The following ARHGAP33 variants were observed in gnomAD, a reference collection of about 807,000 sequenced individuals.
ARHGAP33 encodes the protein Rho GTPase activating protein 33.
ARHGAP33 carries 57 observed loss-of-function variants against 126.2 expected under a neutral mutation model. The observed-to-expected ratio is 0.45, with a 90% CI of 0.36 to 0.56. The LOEUF (loss-of-function observed/expected upper bound fraction) is 0.56. Among genes scored for constraint, ARHGAP33 ranks in the 20% least tolerant of loss-of-function variants. The pLI is 0.00. For synonymous variants in ARHGAP33, 711 were observed against 755.0 expected, an observed-to-expected ratio of 0.94 and a Z score of 0.95; for missense variants, 1,500 against 1,748.3, an observed-to-expected ratio of 0.86 and a Z score of 2.53.
At chr19:35,778,892 A>G in intron 5 of ARHGAP33, 140 bp from the exon 6 acceptor site, 1 of 784,864 alleles carries the variant, frequency 1.3e-6, no homozygotes, top group South Asian at 1.7e-5. Context: ...TCATATGCCC[A>G]TATCTCAGTA....
intron 16 of ARHGAP33, 106 bp from the exon 17 acceptor site, chr19:35,784,847 C>A (rs1394512385): frequency 1.4e-6 from 2 of 1,402,062 alleles, no homozygotes; most frequent in Middle Eastern, 2.6e-4. Context: ...CTTGCCAGCC[C>A]GGGTGGGCAT....
chr19:35,780,184 C>T (rs1163533132), intron 6 of ARHGAP33, 27 bp from the exon 7 acceptor site: 1 of 1,611,858 alleles, frequency 6.2e-7, no homozygotes, highest in Non-Finnish European at 8.5e-7. Context: ...TCTGACCTGT[C>T]CTTGCCACAT....
At position 35,781,198 on chromosome 19, in the gene ARHGAP33, T is replaced by C; in HGVS notation, c.1031T>C (p.Val344Ala). ...CCSEFIEAHG[V>A]VDGIYRLSGV... ...TCCGAGTTCATTGAGGCCCACGGGG[T>C]GGTGGATGGGATCTACCGGCTCTCA... The change falls in exon 12 of 21, where the codon GTG (valine) becomes GCG (alanine). Residue 344 changes from valine to alanine, a missense_variant. Physicochemically the swap from Val to Ala is moderately conservative, Grantham distance 64 (BLOSUM62 0). Around this residue, in one of 6 missense-constraint regions of ARHGAP33, gnomAD observed 281 missense variants for 413.7 expected, o/e 0.68. Coordinates refer to ENST00000007510, the MANE Select transcript of ARHGAP33 (RefSeq NM_001366178.1). 1 of 1,607,324 alleles carries C rather than the reference T, an allele frequency of 6.2e-7. No homozygotes were observed. Among genetic ancestry groups the C allele is most frequent in the Non-Finnish European group, 8.5e-7 (1 of 1,178,054 alleles).
At position 35,788,756 on chromosome 19, in the gene ARHGAP33, C is replaced by T. The variant is rs1972255238; in HGVS notation, c.*327C>T. ...CACGGGGATGGGGGGACAACTCCTA[C>T]CCTTCTTTCCCCACATGCCCCACTA... On this transcript the variant is annotated 3_prime_UTR_variant, in exon 21 of 21. Coordinates refer to ENST00000007510, the MANE Select transcript of ARHGAP33 (RefSeq NM_001366178.1). The T allele has an allele frequency of 3.6e-6, 1 of 280,794 alleles. No individual in the cohort carries two copies. Among genetic ancestry groups the T allele is most frequent in the African/African-American group, 2.2e-5 (1 of 45,748 alleles). 17.4% of individuals were successfully genotyped at this position (280,794 alleles called of 1,614,324 possible). A position where few individuals can be genotyped will look rare whatever the true frequency, so the allele number is the denominator to read the frequency against.
chr19:35,777,454 C>A, intron 1 of ARHGAP33, 191 bp from the exon 2 acceptor site: 2 of 613,448 alleles, frequency 3.3e-6, no homozygotes, highest in South Asian at 3.8e-5. Context: ...CAGTCCCCCA[C>A]CCCAGACCAC....
rs768055326 is a variant in ARHGAP33, at chr19:35,788,174, C to T, written c.3609C>T (p.Val1203=). Residue 1203 remains valine (V), a synonymous_variant, in exon 21 of 21, where the codon GTC becomes GTT. Transcript: ENST00000007510. ...PRSRSDPGPP[V]PRLPQKQRAP... ...GCCGTTCAGATCCCGGTCCCCCAGT[C>T]CCCCGCCTTCCCCAGAAACAACGGG... 5 of 1,606,690 alleles carry T rather than the reference C, an allele frequency of 3.1e-6. No individual in the cohort carries two copies. Among genetic ancestry groups the T allele is most frequent in the Non-Finnish European group, 4.2e-6 (5 of 1,176,716 alleles).
At chr19:35,776,166 T>C (rs182919090) in intron 1 of ARHGAP33, among the ~76,000 whole-genome samples, 5 of 138,106 alleles carry the variant, frequency 3.6e-5, no homozygotes, top group Non-Finnish European at 6.3e-5. Flanking sequence ...CCTATCCCAG[T>C]TCCTCTCAAT....
intron 15 of ARHGAP33, among the ~76,000 whole-genome samples, chr19:35,783,661 ACGGGGACCAGACAGAG>A (rs1971926663): frequency 1.3e-5 from 2 of 151,880 alleles, no homozygotes; most frequent in Non-Finnish European, 2.9e-5. Context: ...CAGAGAGGTG[ACGGGGACCAGACAGAG>A]GGGTGACTCA....
Position 35,788,264 on chromosome 19 carries a change from G to A in ARHGAP33, c.3699G>A (p.Leu1233=). Reference sequence around the variant, plus strand: ...CCTGGGGCCCTCCTGAGCCTCTCCTGCTCTACAGGGCAGCCCCGCCAGCCT... The same window carrying A: ...CCTGGGGCCCTCCTGAGCCTCTCCTACTCTACAGGGCAGCCCCGCCAGCCT... ...PGPWGPPEPL[L]LYRAAPPAYG... is the part of the protein sequence containing the mutation. The change falls in exon 21 of 21, where the codon CTG becomes CTA. Residue 1233 remains leucine (L), a synonymous_variant. Transcript: ENST00000007510. The A allele has an allele frequency of 6.2e-7, 1 of 1,608,884 alleles. No individual in the cohort carries two copies. Among genetic ancestry groups the A allele is most frequent in the Non-Finnish European group, 8.5e-7 (1 of 1,178,628 alleles).
In ARHGAP33 at chr19:35,778,602, G is replaced by GT. The variant is rs773095605; in HGVS notation, c.408+2dup. On this transcript the variant is annotated splice_donor_variant, in intron 5 of 20. Transcript: ENST00000007510. LOFTEE classifies it high-confidence loss of function. ...CCCCGAGGGTGCCAGGGCTGCCCAG[G>GT]TAACCTGCTTGTTGTCTCAGCCCCT... 7.4e-6 allele frequency: 12 copies of GT among 1,612,526 alleles called. No individual in the cohort carries two copies. Among genetic ancestry groups the GT allele is most frequent in the Non-Finnish European group, 9.3e-6 (11 of 1,179,346 alleles).
chr19:35,785,379 A>C, intron 18 of ARHGAP33, 30 bp from the exon 19 acceptor site: 3 of 1,614,070 alleles, frequency 1.9e-6, no homozygotes, highest in Non-Finnish European at 2.5e-6. Flanking sequence ...TGGTCGCTGG[A>C]GTGCCCTCCT....
At position 35,787,660 on chromosome 19, in the gene ARHGAP33, T is replaced by A; in HGVS notation, c.3095T>A (p.Phe1032Tyr). The A allele has an allele frequency of 6.3e-7, 1 of 1,592,896 alleles. No individual in the cohort carries two copies. The highest frequency in any genetic ancestry group is 8.5e-7 in the Non-Finnish European group (1 of 1,174,132). ...CCCTCACAGGTTCCTACCCCCGGCT[T>A]CTTCTCCCCAGCCCCCAGGGAGTGC... is the stretch of plus-strand genomic sequence containing the variant. Reference protein sequence around the residue: ...SVPSQVPTPGFFSPAPRECLP... With the variant: ...SVPSQVPTPGYFSPAPRECLP... The change falls in exon 21 of 21, where the codon TTC becomes TAC. Residue 1032 changes from phenylalanine to tyrosine, a missense_variant. By Grantham distance (22) the Phe-to-Tyr change is conservative (BLOSUM62 3). Coordinates refer to ENST00000007510, the MANE Select transcript of ARHGAP33 (RefSeq NM_001366178.1).
At position 35,788,292 on chromosome 19, in the gene ARHGAP33, G is replaced by A. The variant is rs773641261; in HGVS notation, c.3727G>A (p.Gly1243Arg). Residue 1243 changes from glycine (G) to arginine (R), a missense_variant, in exon 21 of 21, where the codon GGA becomes AGA. This residue lies in a region of ARHGAP33 where 642 missense variants were observed against 634.0 expected (regional missense o/e 1.01). Coordinates refer to ENST00000007510, the MANE Select transcript of ARHGAP33 (RefSeq NM_001366178.1). ...CTACAGGGCAGCCCCGCCAGCCTAC[G>A]GAAGGGGGGGCGAGCTCCACCGAGG... ...LLYRAAPPAY[G>R]RGGELHRGSL... 31 of 1,608,722 alleles carry A rather than the reference G, an allele frequency of 1.9e-5. No homozygotes were observed. The highest frequency in any genetic ancestry group is 9.9e-5 in the South Asian group (9 of 90,780).
chr19:35,788,037 C>T lies in ARHGAP33; in HGVS notation c.3472C>T (p.Pro1158Ser), dbSNP rs756342169. 6.2e-7 allele frequency: 1 copy of T among 1,610,472 alleles called. No homozygotes were observed. Among genetic ancestry groups the T allele is most frequent in the Non-Finnish European group, 8.5e-7 (1 of 1,178,788 alleles). The change falls in exon 21 of 21, where the codon CCT (proline) becomes TCT (serine). Residue 1158 changes from proline to serine, a missense_variant. Physicochemically the swap from Pro to Ser is moderately conservative, Grantham distance 74 (BLOSUM62 -1). Coordinates refer to ENST00000007510, the MANE Select transcript of ARHGAP33 (RefSeq NM_001366178.1). ...DHLGYSAPQH[P>S]ARRPTPPEPL... ...CCTTGGCTACTCAGCCCCCCAGCAC[C>T]CTGCTCGGCGCCCTACACCGCCTGA...
rs570481273 is a variant in ARHGAP33, at chr19:35,778,432, C to T, written c.271-32C>T. ...AGTCCTCAGCTCGGTGTCATGGGGCCCCTGCTCCCTTCTGTCCCTCTGCTC... is the reference window on the plus strand; with the variant it reads ...AGTCCTCAGCTCGGTGTCATGGGGCTCCTGCTCCCTTCTGTCCCTCTGCTC... On this transcript the variant is annotated intron_variant, in intron 4 of 20. Coordinates refer to ENST00000007510, the MANE Select transcript of ARHGAP33 (RefSeq NM_001366178.1). 3.7e-6 allele frequency: 6 copies of T among 1,614,098 alleles called. No homozygotes were observed. In the South Asian group the frequency reaches 6.6e-5, roughly 18 times the overall value.
intron 4 of ARHGAP33, 42 bp from the exon 5 acceptor site, chr19:35,778,422 G>T: frequency 6.2e-7 from 1 of 1,614,118 alleles, no homozygotes; most frequent in Non-Finnish European, 8.5e-7. Flanking sequence ...TCAGCTCGGT[G>T]TCATGGGGCC....
intron 3 of ARHGAP33, 146 bp downstream of exon 3, chr19:35,778,054 C>A: frequency 1.0e-6 from 1 of 985,342 alleles, no homozygotes; most frequent in Non-Finnish European, 1.5e-6. Flanking sequence ...GTTGCAGGAG[C>A]CACAGCAGAT....
Position 35,786,410 on chromosome 19 carries a change from C to T in ARHGAP33, c.1943-3C>T. Reference sequence around the variant, plus strand: ...GATGGTCTCACTGACCCCACCCCTCCAGGCCTCCAGAGGCTGCACAGGCTG... The same window carrying T: ...GATGGTCTCACTGACCCCACCCCTCTAGGCCTCCAGAGGCTGCACAGGCTG... On this transcript the variant is annotated splice_region_variant and splice_polypyrimidine_tract_variant and intron_variant, in intron 19 of 20. Coordinates refer to ENST00000007510, the MANE Select transcript of ARHGAP33 (RefSeq NM_001366178.1). This position sits in a 1 kb window ranked among gnomAD's most constrained non-coding sequence, Gnocchi z 7.0. 1 of 1,528,294 alleles carries T rather than the reference C, an allele frequency of 6.5e-7. No homozygotes were observed. The allele number at this position is 1,528,294 out of a possible 1,614,324, so 94.7% of individuals were successfully genotyped here.
rs772849980 is a variant in ARHGAP33 at position 35,777,714 on chromosome 19, C to G, written c.76C>G (p.Pro26Ala). Residue 26 changes from proline (P) to alanine (A), a missense_variant, in exon 2 of 21, where the codon CCC becomes GCC. Pro to Ala is a conservative substitution (Grantham distance 27, BLOSUM62 -1). This residue lies in a region of ARHGAP33 where 129 missense variants were observed against 145.9 expected (regional missense o/e 0.88). Coordinates refer to ENST00000007510, the MANE Select transcript of ARHGAP33 (RefSeq NM_001366178.1). ...SVQPLPTAGG[P>A]SVKGKPGKRL... ...GCAGCCTCTACCCACTGCTGGGGGGCCCAGTGTGAAGGGGAAGCCTGGGAA... is the reference window on the plus strand; with the variant it reads ...GCAGCCTCTACCCACTGCTGGGGGGGCCAGTGTGAAGGGGAAGCCTGGGAA... 1.2e-6 allele frequency: 2 copies of G among 1,607,438 alleles called. No individual in the cohort carries two copies. The highest frequency in any genetic ancestry group is 1.7e-6 in the Non-Finnish European group (2 of 1,177,010).
Sources: gnomAD v4.1 joint callset for allele counts (sites outside exome capture counted in the v4.1 genomes callset) on GRCh38, gnomAD v4.1.1 for gene constraint, gnomAD v4.1.1 regional missense constraint, Gnocchi (gnomAD v3.1) non-coding constraint, MANE v1.5 for transcripts, NCBI Gene and HGNC (gene_info 2026-07-23, HGNC 2026-07-21) for gene names.